L3MBTL4: variants seen among roughly 807,000 people sequenced by gnomAD.
L3MBTL4 encodes the protein L3MBTL histone methyl-lysine binding protein 4.
In L3MBTL4, 70 loss-of-function variants were observed where a neutral mutation model predicts 84.5. The ratio of observed to expected loss-of-function variants is 0.83; its 90% CI spans 0.68 to 1.01. The LOEUF is 1.01. Among genes scored for constraint, L3MBTL4 ranks in the 50% least tolerant of loss-of-function variants. The pLI is 0.00. For missense variants in L3MBTL4, 715 were observed against 754.8 expected (o/e 0.95, Z 0.62); for synonymous variants, 274 against 259.8 (o/e 1.05, Z -0.52).
intron 4 of L3MBTL4, among the ~76,000 whole-genome samples, chr18:6,301,667 T>C (rs1395839569): frequency 1.1e-4 from 17 of 152,186 alleles, no homozygotes; most frequent in Admixed American, 1.1e-3. Context: ...TTAAAGCCTT[T>C]TTAAAAGGCA....
At chr18:6,006,076 A>AG (rs2054469916) in intron 16 of L3MBTL4, among the ~76,000 whole-genome samples, 1 of 152,168 alleles carries the variant, frequency 6.6e-6, no homozygotes, top group East Asian at 1.9e-4. Flanking sequence ...AAAGCATAAG[A>AG]ATGAATTTTA....
chr18:6,127,983 G>A, intron 14 of L3MBTL4, among the ~76,000 whole-genome samples: 1 of 132,510 alleles, frequency 7.5e-6, no homozygotes, highest in Non-Finnish European at 1.5e-5. Context: ...AGTATAATGG[G>A]AAGAAGCCAA....
intron 14 of L3MBTL4, among the ~76,000 whole-genome samples, chr18:6,127,999 C>G (rs1446207153): frequency 1.6e-5 from 2 of 127,020 alleles, no homozygotes; most frequent in African/African-American, 6.8e-5. Flanking sequence ...GCCAACCAAC[C>G]TAACCAAAAA....
chr18:6,008,612 C>T (rs1186492114), intron 16 of L3MBTL4, among the ~76,000 whole-genome samples: 2 of 152,138 alleles, frequency 1.3e-5, no homozygotes, highest in Non-Finnish European at 2.9e-5. Context: ...GGGGGCTTCA[C>T]CCTCATGGCC....
Position 6,218,105 on chromosome 18 carries a change from C to T in L3MBTL4, c.785-2270G>A, listed in dbSNP as rs2046400068. Among the ~76,000 whole-genome samples, 4 of 151,880 alleles carry T rather than the reference C, an allele frequency of 2.6e-5. No individual in the cohort carries two copies. The South Asian group carries it at 8.3e-4, about 32-fold the overall frequency. The stretch of plus-strand genomic sequence containing the variant: ...GTTTCAATAAGTATTTCTGCAGTTG[C>T]ATTTACTTTTTCTTTTTCAAGAGAT... On this transcript the variant is annotated intron_variant, in intron 10 of 18. Transcript: ENST00000317931.
At chr18:6,399,343 A>G (rs7234434) in intron 1 of L3MBTL4, among the ~76,000 whole-genome samples, 14,458 of 152,108 alleles carry the variant, frequency 0.095, 720 homozygotes, top group African/African-American at 0.11. Flanking sequence ...AGGCTGAGGC[A>G]GGAGAATCGC....
chr18:6,290,821 C>T (rs1330430925), intron 4 of L3MBTL4, among the ~76,000 whole-genome samples: 1 of 152,158 alleles, frequency 6.6e-6, no homozygotes, highest in Non-Finnish European at 1.5e-5. Flanking sequence ...AGCCACCATG[C>T]CCAGCGAGCT....
rs190052307 is a variant in L3MBTL4 at position 6,087,820 on chromosome 18, G to A, written c.1373+5535C>T. On this transcript the variant is annotated intron_variant, in intron 15 of 18. Transcript: ENST00000317931. ...ATTATTTCAATAGTCTCTTCTATGT[G>A]CCAGGCCCATTCATATATCTATAGC... Among the ~76,000 whole-genome samples the A allele has an allele frequency of 5.3e-5, 8 of 152,204 alleles. No individual in the cohort carries two copies. In the East Asian group the frequency reaches 1.5e-3, roughly 29 times the overall value.
rs1006918161 is a variant in L3MBTL4, at chr18:6,222,127, A to G, written c.785-6292T>C. 4.6e-5 allele frequency among the ~76,000 whole-genome samples: 7 copies of G among 152,354 alleles called. No individual in the cohort carries two copies. In the East Asian group the frequency reaches 1.3e-3, roughly 29 times the overall value. On this transcript the variant is annotated intron_variant, in intron 10 of 18. Coordinates refer to ENST00000317931, the MANE Select transcript of L3MBTL4 (RefSeq NM_001330559.2). ...ACCTCACATTTACGGTGCCTTAGATATTAGAAGTCTTACATTCATATTCAG... is the reference window on the plus strand; with the variant it reads ...ACCTCACATTTACGGTGCCTTAGATGTTAGAAGTCTTACATTCATATTCAG...
chr18:6,000,093 G>GA (rs927413750), intron 16 of L3MBTL4, among the ~76,000 whole-genome samples: 1 of 151,112 alleles, frequency 6.6e-6, no homozygotes, highest in South Asian at 2.1e-4. Context: ...AGTGAGCTCA[G>GA]AAAAAAGAAA....
chr18:5,956,243 A>G lies in L3MBTL4; in HGVS notation c.1822T>C (p.Ser608Pro). ...ATTCATCCCCTGACTTCTTGGCCTG[A>G]GGCAATATCTTCTTCAGGGAGTTCC... ...SQELPEEDIA[S>P]GQEVRG The change falls in exon 19 of 19, where the codon TCA (serine) becomes CCA (proline). Residue 608 changes from serine to proline, a missense_variant. Ser to Pro is a moderately conservative substitution (Grantham distance 74). Coordinates refer to ENST00000317931, the MANE Select transcript of L3MBTL4 (RefSeq NM_001330559.2). The G allele has an allele frequency of 6.2e-7, 1 of 1,613,846 alleles. No homozygotes were observed. The highest frequency in any genetic ancestry group is 2.2e-5 in the East Asian group (1 of 44,886).
intron 13 of L3MBTL4, among the ~76,000 whole-genome samples, chr18:6,149,029 TAAG>T (rs978294360): frequency 2.6e-5 from 4 of 152,024 alleles, no homozygotes; most frequent in African/African-American, 9.7e-5. Context: ...TATAAAGAAA[TAAG>T]AGGAGTTTTT....
chr18:6,185,965 T>TTTA (rs1568277969), intron 12 of L3MBTL4, among the ~76,000 whole-genome samples: 1 of 140,186 alleles, frequency 7.1e-6, no homozygotes, highest in African/African-American at 2.8e-5. Flanking sequence ...ACTTTCTTTA[T>TTTA]TTTATTTTAT....
At position 6,107,753 on chromosome 18, in the gene L3MBTL4, G is replaced by C. The variant is rs147247444; in HGVS notation, c.1200-14225C>G. ...CAGAGGTAGAAAACTCGGACATGAA[G>C]ATGACTTTTGGGGCACCACCAGCAG... is the stretch of plus-strand genomic sequence containing the variant. On this transcript the variant is annotated intron_variant, in intron 14 of 18. Coordinates refer to ENST00000317931, the MANE Select transcript of L3MBTL4 (RefSeq NM_001330559.2). Among the ~76,000 whole-genome samples the C allele has an allele frequency of 3.3e-3, 506 of 152,258 alleles. 10 individuals carry two copies. The highest frequency in any genetic ancestry group is 0.031 in the Admixed American group (475 of 15,292).
At chr18:6,144,292 T>C (rs888948026) in intron 13 of L3MBTL4, among the ~76,000 whole-genome samples, 5 of 152,070 alleles carry the variant, frequency 3.3e-5, no homozygotes, top group African/African-American at 9.7e-5. Context: ...TTTATTCTCA[T>C]TTCAGAGCTC....
intron 10 of L3MBTL4, among the ~76,000 whole-genome samples, chr18:6,221,028 T>A (rs1189045964): frequency 6.6e-6 from 1 of 152,202 alleles, no homozygotes; most frequent in Non-Finnish European, 1.5e-5. Context: ...CTCCTCAGTT[T>A]TTTTTTCCAT....
At chr18:6,264,307 C>T (rs182351418) in intron 4 of L3MBTL4, among the ~76,000 whole-genome samples, 13 of 152,296 alleles carry the variant, frequency 8.5e-5, no homozygotes, top group Admixed American at 8.5e-4. Flanking sequence ...AAGTTAGGTA[C>T]CATCTTGCTC....
intron 16 of L3MBTL4, chr18:6,031,632 G>T: frequency 1.0e-6 from 1 of 956,262 alleles, no homozygotes; most frequent in Non-Finnish European, 1.2e-6. Context: ...GCCTTGGCTG[G>T]GATGACCAGG....
intron 12 of L3MBTL4, among the ~76,000 whole-genome samples, chr18:6,193,713 T>C (rs1451325597): frequency 6.6e-6 from 1 of 152,096 alleles, no homozygotes; most frequent in African/African-American, 2.4e-5. Flanking sequence ...GTGAGTTTGA[T>C]GGGTCAGTGG....
Sources: gnomAD v4.1 joint callset for allele counts (sites outside exome capture counted in the v4.1 genomes callset) on GRCh38, gnomAD v4.1.1 for gene constraint, MANE v1.5 for transcripts, NCBI Gene and HGNC (gene_info 2026-07-23, HGNC 2026-07-21) for gene names.